The following DPP4 variants were observed in gnomAD, a reference collection of about 807,000 sequenced individuals.
The protein encoded by DPP4 is ADCP-2.
Under a neutral mutation model 122.4 loss-of-function variants are expected in DPP4, and 93 were observed. The ratio of observed to expected loss-of-function variants is 0.76; its 90% confidence interval spans 0.64 to 0.90. The LOEUF (loss-of-function observed/expected upper bound fraction) is 0.90, where lower values mean the gene tolerates loss of function less well. Among genes scored for constraint, DPP4 ranks in the 40% least tolerant of loss-of-function variants. DPP4 has a pLI of 0.00. For synonymous variants in DPP4, 321 were observed against 302.9 expected (o/e 1.06, Z -0.62); for missense variants, 914 against 907.3 (o/e 1.01, Z -0.09).
intron 2 of DPP4, among the ~76,000 whole-genome samples, chr2:162,063,353 A>AGGTAAAATT (rs1684846506): frequency 6.6e-6 from 1 of 152,212 alleles, no homozygotes; most frequent in Non-Finnish European, 1.5e-5. Context: ...TCTGGTTTGC[A>AGGTAAAATT]GGTAAAATTG....
intron 9 of DPP4, among the ~76,000 whole-genome samples, chr2:162,033,862 G>GTGTATA (rs1184597685): frequency 2.0e-4 from 21 of 104,034 alleles, no homozygotes; most frequent in Admixed American, 5.3e-4. Flanking sequence ...CAGAATATGT[G>GTGTATA]TATATATATA....
chr2:162,055,576 A>G (rs900612455), intron 2 of DPP4, among the ~76,000 whole-genome samples: 2 of 151,668 alleles, frequency 1.3e-5, no homozygotes, highest in Non-Finnish European at 2.9e-5. Context: ...GTACCTGTAA[A>G]CCCAGCTACG....
At chr2:162,014,945 C>T (rs974951751) in intron 18 of DPP4, among the ~76,000 whole-genome samples, 2 of 152,106 alleles carry the variant, frequency 1.3e-5, no homozygotes, top group African/African-American at 4.8e-5. Context: ...CATCCCAGAC[C>T]GCAAAGCTGA....
intron 23 of DPP4, among the ~76,000 whole-genome samples, chr2:161,999,528 A>T (rs1201609993): frequency 6.6e-6 from 1 of 152,182 alleles, no homozygotes; most frequent in Non-Finnish European, 1.5e-5. Flanking sequence ...GCTGCCAGCA[A>T]CAGCCTGGCA....
intron 10 of DPP4, among the ~76,000 whole-genome samples, chr2:162,029,410 C>A (rs1412689939): frequency 1.3e-5 from 2 of 152,214 alleles, no homozygotes; most frequent in South Asian, 2.1e-4. Context: ...GGCTCCATGC[C>A]ACCCTCTGCT....
intron 23 of DPP4, among the ~76,000 whole-genome samples, chr2:162,003,831 G>A (rs1333823884): frequency 2.0e-5 from 3 of 152,310 alleles, no homozygotes; most frequent in East Asian, 3.9e-4. Flanking sequence ...AGAATACAAT[G>A]TTGAATAGCT....
intron 2 of DPP4, among the ~76,000 whole-genome samples, chr2:162,063,911 G>A (rs188154511): frequency 3.9e-5 from 6 of 152,246 alleles, no homozygotes; most frequent in Admixed American, 3.9e-4. Flanking sequence ...AAAAAATGAT[G>A]TTGCCACATG....
chr2:161,995,306 C>G lies in DPP4; in HGVS notation c.2119G>C (p.Ala707Pro). 6.2e-7 allele frequency: 1 copy of G among 1,613,786 alleles called. No homozygotes were observed. The highest frequency in any genetic ancestry group is 1.1e-5 in the South Asian group (1 of 91,078). Residue 707 changes from alanine to proline, a missense_variant, in exon 24 of 26, where the codon GCA becomes CCA. Coordinates refer to ENST00000360534, the MANE Select transcript of DPP4 (RefSeq NM_001935.4). ...QVEYLLIHGT[A>P]DDNVHFQQSA... ...CTAATTAACTGAAACTCACCATCTG[C>G]TGTTCCATGAATAAGGAGGTACTCA...
chr2:162,035,266 T>G lies in DPP4; in HGVS notation c.672A>C (p.Ala224=). The G allele has an allele frequency of 3.7e-6, 6 of 1,614,016 alleles. No homozygotes were observed. The South Asian group carries it at 4.4e-5, about 12-fold the overall frequency. The change falls in exon 9 of 26, where the codon GCA becomes GCC. Residue 224 remains alanine (A), a synonymous_variant. Transcript: ENST00000360534. The part of the protein sequence containing the change: ...LWWSPNGTFL[A]YAQFNDTEVP... ...CTTCTGTGTCGTTAAATTGGGCATA[T>G]GCTAAAAAAGTGCCGTTTGGAGACC...
rs534045823 is a variant in DPP4 at position 162,040,377 on chromosome 2, A to G, written c.367-1193T>C. Among the ~76,000 whole-genome samples, 14 of 150,854 alleles carry G rather than the reference A, an allele frequency of 9.3e-5. 2 individuals are homozygous for G. Among genetic ancestry groups the G allele is most frequent in the African/African-American group, 3.1e-4 (13 of 41,536 alleles). Reference sequence around the variant, plus strand: ...CCATACAATGGAATCTTATTTAATGATAAGAAGAATGAGCTATTAAGCCAC... The same window carrying G: ...CCATACAATGGAATCTTATTTAATGGTAAGAAGAATGAGCTATTAAGCCAC... On this transcript the variant is annotated intron_variant, in intron 5 of 25. Coordinates refer to ENST00000360534, the MANE Select transcript of DPP4 (RefSeq NM_001935.4).
Position 162,024,923 on chromosome 2 carries a change from C to A in DPP4, c.904G>T (p.Asp302Tyr). 1 of 1,613,462 alleles carries A rather than the reference C, an allele frequency of 6.2e-7. No individual in the cohort carries two copies. Among genetic ancestry groups the A allele is most frequent in the Non-Finnish European group, 8.5e-7 (1 of 1,179,986 alleles). The part of the protein sequence containing the change: ...SMLIGDHYLC[D>Y]VTWATQERIS... ...CTTTCTTGTGTTGCCCATGTCACAT[C>A]ACACAAGTAGTGATCCCTGGAAGGA... Residue 302 changes from aspartate to tyrosine, a missense_variant, in exon 11 of 26, where the codon GAT (aspartate) becomes TAT (tyrosine). By Grantham distance (160) the Asp-to-Tyr change is radical. Transcript: ENST00000360534.
intron 23 of DPP4, among the ~76,000 whole-genome samples, chr2:162,000,204 C>T (rs1453343447): frequency 6.6e-6 from 1 of 152,070 alleles, no homozygotes; most frequent in African/African-American, 2.4e-5. Flanking sequence ...CATTCTCCTA[C>T]TTGTAACCAA....
chr2:162,020,543 A>AAG, intron 13 of DPP4, 38 bp downstream of exon 13: 1 of 1,491,146 alleles, frequency 6.7e-7, no homozygotes, highest in East Asian at 2.3e-5. Flanking sequence ...AAAAAAAAAA[A>AAG]GAGGTCAACA....
At chr2:162,046,852 C>G in intron 4 of DPP4, 63 bp downstream of exon 4, 1 of 1,067,038 alleles carries the variant, frequency 9.4e-7, no homozygotes, top group Non-Finnish European at 1.5e-6. Context: ...ACTCGTGATT[C>G]CAAAGGTAAT....
At chr2:161,994,605 T>C (rs1393801458) in intron 25 of DPP4, among the ~76,000 whole-genome samples, 1 of 152,212 alleles carries the variant, frequency 6.6e-6, no homozygotes, top group Non-Finnish European at 1.5e-5. Context: ...ATATTTGAGC[T>C]GAGCTATTAT....
intron 12 of DPP4, among the ~76,000 whole-genome samples, chr2:162,022,511 T>C (rs1683166855): frequency 6.6e-6 from 1 of 152,084 alleles, no homozygotes; most frequent in Admixed American, 6.5e-5. Context: ...TTGCCAGGAG[T>C]GCGCTATGTT....
At chr2:162,017,793 T>C (rs919575534) in intron 16 of DPP4, among the ~76,000 whole-genome samples, 16 of 152,342 alleles carry the variant, frequency 1.1e-4, no homozygotes, top group Admixed American at 9.8e-4. Flanking sequence ...TTTATGTGTT[T>C]GGATGATAAT....
intron 10 of DPP4, among the ~76,000 whole-genome samples, chr2:162,028,062 A>G (rs921867813): frequency 8.6e-5 from 13 of 151,800 alleles, no homozygotes; most frequent in Non-Finnish European, 2.9e-5. Flanking sequence ...TCATTTAAAA[A>G]AAAAAAAAAC....
intron 23 of DPP4, among the ~76,000 whole-genome samples, chr2:162,004,639 T>C (rs530852403): frequency 6.6e-6 from 1 of 152,116 alleles, no homozygotes; most frequent in Admixed American, 6.5e-5. Context: ...TTAAGTAAGC[T>C]GAAAGTAATT....
Sources: allele counts gnomAD v4.1 joint callset (sites outside exome capture counted in the v4.1 genomes callset), GRCh38; gene constraint gnomAD v4.1.1; transcripts MANE v1.5; gene names NCBI Gene and HGNC (gene_info 2026-07-23, HGNC 2026-07-21).